Variants in SASH1 observed in about 807,000 individuals in gnomAD.
SASH1 encodes the protein SAM and SH3 domain containing 1, also known as SAM and SH3 domain-containing protein 1.
A neutral mutation model predicts 125.2 loss-of-function variants in SASH1; 44 were observed. The ratio of observed to expected loss-of-function variants is 0.35; its 90% CI spans 0.28 to 0.45. The LOEUF is 0.45. Ranked by LOEUF, SASH1 falls within the 20% of genes least tolerant of loss-of-function variation. The probability of loss-of-function intolerance (pLI) is 1.00; values close to 1 mark genes in which losing one functional copy is unlikely to be tolerated. For missense variants in SASH1, 1,426 were observed against 1,614.5 expected (o/e 0.88, Z 2.00); for synonymous variants, 639 against 649.1 (o/e 0.98, Z 0.24).
At position 148,532,469 on chromosome 6, in the gene SASH1, G is replaced by GT. The variant is rs1463653502; in HGVS notation, c.1565-327dup. ...CTCATCTGTAAAATGGTTAGAGAGAGTGTGCATTACCACTGAGAGGTCACG... is the reference window on the plus strand; with the variant it reads ...CTCATCTGTAAAATGGTTAGAGAGAGTTGTGCATTACCACTGAGAGGTCACG... On this transcript the variant is annotated intron_variant, in intron 13 of 19. Transcript: ENST00000367467. The surrounding 1 kb of genome is among the most constrained non-coding windows in gnomAD (Gnocchi z 4.7). Among the ~76,000 whole-genome samples, 1 of 152,214 alleles carries GT rather than the reference G, an allele frequency of 6.6e-6. No individual in the cohort carries two copies. The highest frequency in any genetic ancestry group is 2.4e-5 in the African/African-American group (1 of 41,436).
chr6:148,343,087 C>A lies in SASH1; in HGVS notation c.20C>A (p.Ala7Asp). The A allele has an allele frequency of 2.2e-5, 33 of 1,533,454 alleles. No homozygotes were observed. The highest frequency in any genetic ancestry group is 2.9e-5 in the Non-Finnish European group (33 of 1,146,524). The allele number at this position is 1,533,454 out of a possible 1,614,324, so 95.0% of individuals were successfully genotyped here. A position where few individuals can be genotyped will look rare whatever the true frequency, so the allele number is the denominator to read the frequency against. ...ACGGCCATGGAGGACGCGGGAGCAG[C>A]TGGCCCGGGGCCGGAGCCTGAGCCC... MEDAGA[A>D]GPGPEPEPEP... is the part of the protein sequence containing the mutation. The change falls in exon 1 of 20, where the codon GCT becomes GAT. Residue 7 changes from alanine (A) to aspartate (D), a missense_variant. Physicochemically the swap from Ala to Asp is moderately radical, Grantham distance 126. This residue lies in a region of SASH1 where 567 missense variants were observed against 575.6 expected (regional missense o/e 0.99). Coordinates refer to ENST00000367467, the MANE Select transcript of SASH1 (RefSeq NM_015278.5).
At chr6:148,287,587 G>T (rs1779514523) in intron 1 of SASH1, among the ~76,000 whole-genome samples, 1 of 151,958 alleles carries the variant, frequency 6.6e-6, no homozygotes, top group South Asian at 2.1e-4. Context: ...CTGTATTTAA[G>T]ATTATTTTAT....
At chr6:148,361,352 C>T (rs1325852666) in intron 1 of SASH1, among the ~76,000 whole-genome samples, 1 of 152,162 alleles carries the variant, frequency 6.6e-6, no homozygotes, top group Non-Finnish European at 1.5e-5. Flanking sequence ...AATCCCAGCA[C>T]TTTGGGAGGG....
chr6:148,373,060 G>A (rs369574241), intron 1 of SASH1, among the ~76,000 whole-genome samples: 1 of 152,042 alleles, frequency 6.6e-6, no homozygotes, highest in African/African-American at 2.4e-5. Flanking sequence ...GCATGGTGGT[G>A]CATGCCTGTA....
At chr6:148,295,073 C>T (rs1017586926) in intron 1 of SASH1, among the ~76,000 whole-genome samples, 1 of 152,030 alleles carries the variant, frequency 6.6e-6, no homozygotes, top group African/African-American at 2.4e-5. Context: ...TTCTCTCTCT[C>T]TCTCACACAC....
At chr6:148,436,537 A>C (rs1048617939) in intron 2 of SASH1, among the ~76,000 whole-genome samples, 3 of 152,166 alleles carry the variant, frequency 2.0e-5, no homozygotes, top group Admixed American at 6.5e-5. Context: ...ATTAAAAAAA[A>C]CAAAAAACCA....
intron 1 of SASH1, among the ~76,000 whole-genome samples, chr6:148,353,826 C>T (rs1245174632): frequency 1.3e-5 from 2 of 152,076 alleles, no homozygotes; most frequent in Non-Finnish European, 2.9e-5. Flanking sequence ...AAGGTATTAA[C>T]CTTCAGTTTA....
At chr6:148,249,436 G>A in the SASH1 span, among the ~76,000 whole-genome samples, 1 of 152,170 alleles carries the variant, frequency 6.6e-6, no homozygotes, top group Non-Finnish European at 1.5e-5. Context: ...AAAGGCTCAT[G>A]TGTAAACAGT....
intron 1 of SASH1, among the ~76,000 whole-genome samples, chr6:148,386,788 C>T (rs182793786): frequency 3.9e-5 from 6 of 152,234 alleles, no homozygotes; most frequent in African/African-American, 1.2e-4. Flanking sequence ...TAAGTTGCTC[C>T]CCTTTGCCCT....
intron 1 of SASH1, among the ~76,000 whole-genome samples, chr6:148,308,687 C>T (rs1379136293): frequency 6.7e-6 from 1 of 149,126 alleles, no homozygotes; most frequent in African/African-American, 2.5e-5. Flanking sequence ...TGAGCCACCG[C>T]ACCTGGCAAC....
chr6:148,499,914 A>T (rs13216540), intron 8 of SASH1, among the ~76,000 whole-genome samples: 36,208 of 151,972 alleles, frequency 0.24, 4,734 homozygotes, highest in African/African-American at 0.35. Context: ...TATATAATTT[A>T]TGTTTTTTAT....
In SASH1 at chr6:148,375,806, G is replaced by A. The variant is rs545887351; in HGVS notation, c.157-14328G>A. Among the ~76,000 whole-genome samples the A allele has an allele frequency of 7.2e-5, 11 of 152,282 alleles. No individual in the cohort carries two copies. In the South Asian group the frequency reaches 8.3e-4, roughly 12 times the overall value. On this transcript the variant is annotated intron_variant, in intron 1 of 19. Transcript: ENST00000367467. ...AATCGGATTTTTCCTGTATATTACA[G>A]ATCAGAGTGTGGTATAGGATGAACG...
chr6:148,310,631 T>C (rs774232668), intron 1 of SASH1, among the ~76,000 whole-genome samples: 2 of 152,180 alleles, frequency 1.3e-5, no homozygotes, highest in Non-Finnish European at 2.9e-5. Context: ...AAAGTATGTA[T>C]TTGATAAAGG....
chr6:148,347,364 A>G (rs756774375), intron 1 of SASH1, among the ~76,000 whole-genome samples: 1 of 152,144 alleles, frequency 6.6e-6, no homozygotes, highest in Non-Finnish European at 1.5e-5. Context: ...AAAAATATCC[A>G]TTGTATAGAG....
intron 6 of SASH1, among the ~76,000 whole-genome samples, chr6:148,473,380 A>C (rs929680289): frequency 6.6e-6 from 1 of 151,960 alleles, no homozygotes; most frequent in African/African-American, 2.4e-5. Flanking sequence ...CAGTCTCCTG[A>C]GTGTCTGGGA....
chr6:148,426,397 C>G (rs1323038290), intron 2 of SASH1, among the ~76,000 whole-genome samples: 3 of 152,090 alleles, frequency 2.0e-5, no homozygotes, highest in African/African-American at 7.2e-5. Context: ...TATTTTTCTT[C>G]CCTTCTCTGT....
intron 1 of SASH1, among the ~76,000 whole-genome samples, chr6:148,324,448 G>A (rs529115415): frequency 6.6e-6 from 1 of 152,218 alleles, no homozygotes; most frequent in African/African-American, 2.4e-5. Context: ...GGTTGCACAA[G>A]CCAGAAACCT....
intron 4 of SASH1, among the ~76,000 whole-genome samples, chr6:148,446,498 C>T (rs1776801380): frequency 6.6e-6 from 1 of 152,050 alleles, no homozygotes; most frequent in African/African-American, 2.4e-5. Flanking sequence ...TATTTGTATG[C>T]ATGTAAACAA....
chr6:148,368,651 T>C (rs1782572025), intron 1 of SASH1, among the ~76,000 whole-genome samples: 1 of 152,110 alleles, frequency 6.6e-6, no homozygotes, highest in Non-Finnish European at 1.5e-5. Flanking sequence ...TGTGCATTAA[T>C]TGAAATGATG....
Sources: gnomAD v4.1 joint callset for allele counts (sites outside exome capture counted in the v4.1 genomes callset) on GRCh38, gnomAD v4.1.1 for gene constraint, gnomAD v4.1.1 regional missense constraint, Gnocchi (gnomAD v3.1) non-coding constraint, MANE v1.5 for transcripts, NCBI Gene and HGNC (gene_info 2026-07-23, HGNC 2026-07-21) for gene names.